The following KCNH1 variants were observed in gnomAD, a reference collection of about 807,000 sequenced individuals.
The protein encoded by KCNH1 is potassium voltage-gated channel subfamily H member 1.
Under a neutral mutation model 69.2 loss-of-function variants are expected in KCNH1, and 27 were observed. That is an observed-to-expected ratio of 0.39 (90% CI 0.29 to 0.54). The LOEUF is 0.54. KCNH1 is among the 20% of genes least tolerant of loss of function. KCNH1 has a pLI of 0.68. For missense variants in KCNH1, 798 were observed against 1,261.6 expected (o/e 0.63, Z 5.57); for synonymous variants, 456 against 487.7 (o/e 0.93, Z 0.86).
chr1:211,118,050 A>G (rs1450038701), intron 1 of KCNH1, among the ~76,000 whole-genome samples: 1 of 152,158 alleles, frequency 6.6e-6, no homozygotes, highest in East Asian at 1.9e-4. Flanking sequence ...CTTTTGCTCA[A>G]TGGAATTGTT....
intron 7 of KCNH1, among the ~76,000 whole-genome samples, chr1:210,880,825 A>G (rs1258513808): frequency 6.6e-6 from 1 of 152,156 alleles, no homozygotes; most frequent in Non-Finnish European, 1.5e-5. Flanking sequence ...TCCAAAAGAC[A>G]TGTTAGATAA....
intron 3 of KCNH1, among the ~76,000 whole-genome samples, chr1:211,094,675 G>C (rs1033246887): frequency 6.6e-6 from 1 of 152,076 alleles, no homozygotes; most frequent in African/African-American, 2.4e-5. Context: ...CAGCAGCCTT[G>C]GTGGGTTAGG....
chr1:211,041,111 G>A (rs529719350), intron 5 of KCNH1, among the ~76,000 whole-genome samples: 11 of 152,126 alleles, frequency 7.2e-5, no homozygotes, highest in African/African-American at 2.4e-4. Flanking sequence ...CAGATTTTTT[G>A]AAAGGGAAGT....
At chr1:210,787,075 C>T (rs1684118712) in intron 9 of KCNH1, among the ~76,000 whole-genome samples, 1 of 152,172 alleles carries the variant, frequency 6.6e-6, no homozygotes, top group Non-Finnish European at 1.5e-5. Flanking sequence ...CCATTACCCT[C>T]AGTCCAAATT....
At chr1:211,000,577 G>T (rs1321435708) in intron 6 of KCNH1, among the ~76,000 whole-genome samples, 1 of 152,094 alleles carries the variant, frequency 6.6e-6, no homozygotes, top group Admixed American at 6.6e-5. Flanking sequence ...CATGAAAATG[G>T]TCATACTGCC....
At chr1:210,718,651 TACACACACACACACACACACAC>T (rs57407331) in intron 10 of KCNH1, among the ~76,000 whole-genome samples, 1 of 75,556 alleles carries the variant, frequency 1.3e-5, no homozygotes, top group Admixed American at 1.6e-4. Context: ...CATATATATA[TACACACACACACACACACACAC>T]ACACACACAC....
chr1:211,027,810 T>A (rs1689712157), intron 5 of KCNH1, among the ~76,000 whole-genome samples: 1 of 145,922 alleles, frequency 6.9e-6, no homozygotes. Context: ...AAACAAGAAC[T>A]GCAAAATATG....
intron 10 of KCNH1, among the ~76,000 whole-genome samples, chr1:210,743,267 A>G (rs1294266998): frequency 6.6e-6 from 1 of 152,142 alleles, no homozygotes; most frequent in East Asian, 1.9e-4. Context: ...GTGCACAATC[A>G]TAGCCAGTCC....
chr1:210,877,571 C>T (rs1282509615), intron 7 of KCNH1, among the ~76,000 whole-genome samples: 2 of 152,200 alleles, frequency 1.3e-5, no homozygotes, highest in Non-Finnish European at 2.9e-5. Context: ...AAAAGTTCCT[C>T]TCAAAATCTG....
At position 210,815,763 on chromosome 1, in the gene KCNH1, A is replaced by G. The variant is rs535775192; in HGVS notation, c.1463-11597T>C. On this transcript the variant is annotated intron_variant, in intron 7 of 10. Coordinates refer to ENST00000271751, the MANE Select transcript of KCNH1 (RefSeq NM_172362.3). ...ATGAACTCCCCCTACCAGGAGACTG[A>G]CTCAAGATATGAAACTCCATCCCAC... Among the ~76,000 whole-genome samples, 4 of 152,156 alleles carry G rather than the reference A, an allele frequency of 2.6e-5. No homozygotes were observed. The South Asian group carries it at 8.3e-4, about 32-fold the overall frequency.
chr1:210,814,491 T>G (rs1386131770), intron 7 of KCNH1, among the ~76,000 whole-genome samples: 1 of 152,130 alleles, frequency 6.6e-6, no homozygotes, highest in Non-Finnish European at 1.5e-5. Flanking sequence ...CAACAAACAT[T>G]AAATACTCAG....
chr1:210,776,762 A>G (rs924726817), intron 9 of KCNH1, among the ~76,000 whole-genome samples: 5 of 152,168 alleles, frequency 3.3e-5, no homozygotes, highest in African/African-American at 1.2e-4. Flanking sequence ...GAAAAGTACT[A>G]ATCCCATATA....
rs574312181 is a variant in KCNH1, at chr1:210,694,581, C to T, written c.2113-10443G>A. Among the ~76,000 whole-genome samples, 3 of 152,352 alleles carry T rather than the reference C, an allele frequency of 2.0e-5. No homozygotes were observed. In the South Asian group the frequency reaches 6.2e-4, roughly 32 times the overall value. On this transcript the variant is annotated intron_variant, in intron 10 of 10. Transcript: ENST00000271751. ...AAACTCTCAGCCAGTGAGGGGTCTG[C>T]AGTCCAAAATTCCCAGGGAATCCCC...
intron 5 of KCNH1, among the ~76,000 whole-genome samples, chr1:211,061,806 A>C (rs1690437617): frequency 6.6e-6 from 1 of 152,054 alleles, no homozygotes; most frequent in Non-Finnish European, 1.5e-5. Flanking sequence ...TGAGGCAAGA[A>C]ATAGAAGAGG....
intron 7 of KCNH1, among the ~76,000 whole-genome samples, chr1:210,898,112 T>C (rs977244251): frequency 2.6e-5 from 4 of 152,212 alleles, no homozygotes; most frequent in African/African-American, 7.2e-5. Context: ...ACTCAAAATA[T>C]GTCTACCATT....
chr1:210,867,426 A>G (rs762157339), intron 7 of KCNH1, among the ~76,000 whole-genome samples: 9 of 151,912 alleles, frequency 5.9e-5, no homozygotes, highest in Middle Eastern at 3.4e-3. Context: ...TCAAGTATAG[A>G]AAACCACCCA....
Position 211,070,418 on chromosome 1 carries a change from T to TAA in KCNH1, c.558+12360_558+12361dup, listed in dbSNP as rs759773298. On this transcript the variant is annotated intron_variant, in intron 5 of 10. Coordinates refer to ENST00000271751, the MANE Select transcript of KCNH1 (RefSeq NM_172362.3). ...GGGCGACAGAGCGAGACTCCACCTT[T>TAA]AAAAAAAAAAAAACACACACACACA... 9.2e-3 allele frequency among the ~76,000 whole-genome samples: 1,032 copies of TAA among 112,526 alleles called. 11 individuals carry two copies. Among genetic ancestry groups the TAA allele is most frequent in the African/African-American group, 0.027 (965 of 35,924 alleles). The allele number at this position is 112,526 out of a possible 152,430, so 73.8% of individuals were successfully genotyped here. A position where few individuals can be genotyped will look rare whatever the true frequency, so the allele number is the denominator to read the frequency against.
intron 10 of KCNH1, among the ~76,000 whole-genome samples, chr1:210,732,699 G>A (rs1414632517): frequency 6.6e-6 from 1 of 152,200 alleles, no homozygotes; most frequent in Non-Finnish European, 1.5e-5. Flanking sequence ...CCAAGGTGCT[G>A]GCAGATTCAG....
chr1:210,859,560 T>A, intron 7 of KCNH1: 1 of 1,573,312 alleles, frequency 6.4e-7, no homozygotes, highest in Non-Finnish European at 8.8e-7. Flanking sequence ...CTTTCCCATC[T>A]TCATCAATAT....
Sources: gnomAD v4.1 joint callset for allele counts (sites outside exome capture counted in the v4.1 genomes callset) on GRCh38, gnomAD v4.1.1 for gene constraint, MANE v1.5 for transcripts, NCBI Gene and HGNC (gene_info 2026-07-23, HGNC 2026-07-21) for gene names.